Variants in MCU observed in about 807,000 individuals in gnomAD.
MCU encodes mitochondrial calcium uniporter.
MCU carries 12 observed loss-of-function variants against 45.2 expected under a neutral mutation model. The observed-to-expected ratio is 0.27, with a 90% CI of 0.17 to 0.43. The LOEUF is 0.43. Among genes scored for constraint, MCU ranks in the 20% least tolerant of loss-of-function variants. The pLI, the probability that MCU is intolerant of heterozygous loss-of-function variation, is 1.00. For synonymous variants in MCU, 160 were observed against 165.1 expected (o/e 0.97, Z 0.24); for missense variants, 324 against 436.7 (o/e 0.74, Z 2.30).
intron 7 of MCU, among the ~76,000 whole-genome samples, chr10:72,885,239 G>A (rs558734165): frequency 6.6e-6 from 1 of 152,152 alleles, no homozygotes; most frequent in African/African-American, 2.4e-5. Flanking sequence ...AGGCTTGCTC[G>A]TTAGTCCAGC....
chr10:72,854,930 C>G (rs1436804691), intron 2 of MCU, among the ~76,000 whole-genome samples: 3 of 152,146 alleles, frequency 2.0e-5, no homozygotes, highest in Non-Finnish European at 4.4e-5. Context: ...AATACTTGCT[C>G]TAGAGTAATG....
At chr10:72,779,923 G>A (rs1843963160) in intron 1 of MCU, among the ~76,000 whole-genome samples, 1 of 152,056 alleles carries the variant, frequency 6.6e-6, no homozygotes, top group South Asian at 2.1e-4. Context: ...AATTCTACTT[G>A]TAAATATGTA....
intron 1 of MCU, 141 bp from the exon 2 acceptor site, chr10:72,834,213 ATTTTC>A (rs1306491071): frequency 4.1e-6 from 2 of 490,180 alleles, no homozygotes; most frequent in Non-Finnish European, 7.1e-6. Context: ...AAAGACTTTT[ATTTTC>A]TTTTATCTGT....
chr10:72,872,916 T>C (rs569642682), intron 6 of MCU, among the ~76,000 whole-genome samples: 1 of 152,052 alleles, frequency 6.6e-6, no homozygotes, highest in South Asian at 2.1e-4. Context: ...GCATTTGATA[T>C]TCTTTTTCTT....
intron 1 of MCU, among the ~76,000 whole-genome samples, chr10:72,763,043 A>G (rs1009962294): frequency 1.3e-5 from 2 of 151,810 alleles, no homozygotes; most frequent in Non-Finnish European, 2.9e-5. Context: ...CTTCAAAGCT[A>G]GTGTTTTCTG....
intron 1 of MCU, among the ~76,000 whole-genome samples, chr10:72,740,030 C>A (rs1843304911): frequency 6.6e-6 from 1 of 151,812 alleles, no homozygotes; most frequent in African/African-American, 2.4e-5. Context: ...ATTGTCTTTT[C>A]TCCTCGATGT....
intron 1 of MCU, among the ~76,000 whole-genome samples, chr10:72,758,283 C>T (rs945262051): frequency 9.2e-5 from 14 of 152,334 alleles, no homozygotes; most frequent in Admixed American, 2.6e-4. Flanking sequence ...CGAGTGATCT[C>T]TCATCTCAGT....
chr10:72,751,828 A>C (rs1843503854), intron 1 of MCU, among the ~76,000 whole-genome samples: 1 of 150,644 alleles, frequency 6.6e-6, no homozygotes, highest in Non-Finnish European at 1.5e-5. Context: ...GCTTGGGTAC[A>C]TGTGACAGAC....
intron 1 of MCU, among the ~76,000 whole-genome samples, chr10:72,823,245 A>G (rs973392563): frequency 6.6e-6 from 1 of 152,240 alleles, no homozygotes; most frequent in Non-Finnish European, 1.5e-5. Context: ...CATCATGCTA[A>G]GTGAAAGAAG....
At chr10:72,859,050 C>G in intron 2 of MCU, 127 bp from the exon 3 acceptor site, 2 of 934,214 alleles carry the variant, frequency 2.1e-6, no homozygotes, top group Non-Finnish European at 3.1e-6. Flanking sequence ...AGGGCATGTT[C>G]TTAAACCTTC....
chr10:72,813,303 A>G (rs1238166235), intron 1 of MCU, among the ~76,000 whole-genome samples: 5 of 151,604 alleles, frequency 3.3e-5, no homozygotes, highest in South Asian at 2.1e-4. Context: ...AAAGGCATCA[A>G]CCAACAATGT....
chr10:72,737,039 G>T (rs989390668), intron 1 of MCU, among the ~76,000 whole-genome samples: 1 of 152,138 alleles, frequency 6.6e-6, no homozygotes, highest in African/African-American at 2.4e-5. Context: ...AAGCGTGTGG[G>T]GTATATGAAT....
intron 1 of MCU, among the ~76,000 whole-genome samples, chr10:72,778,481 A>T (rs74798215): frequency 6.6e-6 from 1 of 152,142 alleles, no homozygotes; most frequent in African/African-American, 2.4e-5. Context: ...AGTGGATCTC[A>T]TGAAGATAGA....
At chr10:72,728,403 A>AGTT (rs1843127565) in intron 1 of MCU, among the ~76,000 whole-genome samples, 1 of 152,174 alleles carries the variant, frequency 6.6e-6, no homozygotes, top group South Asian at 2.1e-4. Context: ...AAACTATGGG[A>AGTT]AATTTGATAC....
chr10:72,827,702 G>A (rs1844818620), intron 1 of MCU, among the ~76,000 whole-genome samples: 1 of 152,122 alleles, frequency 6.6e-6, no homozygotes, highest in Admixed American at 6.6e-5. Context: ...TCATTCAAGT[G>A]TTATCATGTT....
At chr10:72,863,911 CT>C (rs1845416307) in intron 4 of MCU, among the ~76,000 whole-genome samples, 1 of 152,134 alleles carries the variant, frequency 6.6e-6, no homozygotes. Context: ...CCACCATGCC[CT>C]TCCTATTTTC....
chr10:72,868,173 A>G (rs1845486355), intron 4 of MCU, among the ~76,000 whole-genome samples: 1 of 152,174 alleles, frequency 6.6e-6, no homozygotes, highest in Admixed American at 6.5e-5. Context: ...CAAGAATATA[A>G]TGGTAGATAT....
At chr10:72,780,584 C>A (rs893945059) in intron 1 of MCU, among the ~76,000 whole-genome samples, 5 of 111,866 alleles carry the variant, frequency 4.5e-5, no homozygotes, top group African/African-American at 1.6e-4. Flanking sequence ...AGAGAGATAA[C>A]TGTTGTCATC....
chr10:72,790,809 C>T (rs1481850868), intron 1 of MCU, among the ~76,000 whole-genome samples: 2 of 152,034 alleles, frequency 1.3e-5, no homozygotes, highest in Non-Finnish European at 2.9e-5. Flanking sequence ...CCACTTCAGT[C>T]GAAATGTAAT....
Sources: gnomAD v4.1 joint callset for allele counts (sites outside exome capture counted in the v4.1 genomes callset) on GRCh38, gnomAD v4.1.1 for gene constraint, MANE v1.5 for transcripts, NCBI Gene and HGNC (gene_info 2026-07-23, HGNC 2026-07-21) for gene names.